The following GFPT1 variants were observed in gnomAD, a reference collection of about 807,000 sequenced individuals.
GFPT1 encodes the protein glutamine--fructose-6-phosphate transaminase 1, also known as glutamine--fructose-6-phosphate aminotransferase [isomerizing] 1.
In GFPT1, 40 loss-of-function variants were observed where a neutral mutation model predicts 92.0. The ratio of observed to expected loss-of-function variants is 0.43; its 90% CI spans 0.34 to 0.57. The LOEUF (loss-of-function observed/expected upper bound fraction) is 0.57, where lower values mean the gene tolerates loss of function less well. Among genes scored for constraint, GFPT1 ranks in the 20% least tolerant of loss-of-function variants. The probability of loss-of-function intolerance (pLI) is 0.02; values close to 1 mark genes in which losing one functional copy is unlikely to be tolerated. For missense variants in GFPT1, 448 were observed against 869.1 expected, an observed-to-expected ratio of 0.52 and a Z score of 6.09; for synonymous variants, 269 against 280.6, an observed-to-expected ratio of 0.96 and a Z score of 0.41.
At chr2:69,362,166 G>C (rs953857159) in intron 4 of GFPT1, among the ~76,000 whole-genome samples, 2 of 152,174 alleles carry the variant, frequency 1.3e-5, no homozygotes, top group African/African-American at 4.8e-5. Flanking sequence ...GTCTCACTCT[G>C]TCACCCAGGC....
At chr2:69,384,494 G>C (rs1255325755) in intron 1 of GFPT1, among the ~76,000 whole-genome samples, 1 of 151,948 alleles carries the variant, frequency 6.6e-6, no homozygotes, top group Admixed American at 6.6e-5. Flanking sequence ...GTGGTAGGTG[G>C]ATTACCTGAG....
chr2:69,374,406 C>T (rs10203225), intron 1 of GFPT1, among the ~76,000 whole-genome samples: 3 of 151,930 alleles, frequency 2.0e-5, no homozygotes, highest in African/African-American at 4.8e-5. Context: ...CTCCGCCTCC[C>T]GGGTTCACAC....
intron 17 of GFPT1, 84 bp downstream of exon 17, chr2:69,329,213 T>A: frequency 7.4e-7 from 1 of 1,342,558 alleles, no homozygotes; most frequent in Non-Finnish European, 1.1e-6. Context: ...TTCTACCTAT[T>A]TCATTCATTT....
At chr2:69,338,631 G>A in intron 13 of GFPT1, 66 bp from the exon 14 acceptor site, 1 of 1,531,056 alleles carries the variant, frequency 6.5e-7, no homozygotes, top group East Asian at 2.3e-5. Flanking sequence ...GACTTCTTTG[G>A]ATTCAATGTA....
At chr2:69,347,067 GCC>G (rs1266479461) in intron 11 of GFPT1, among the ~76,000 whole-genome samples, 4 of 151,934 alleles carry the variant, frequency 2.6e-5, no homozygotes, top group Admixed American at 2.6e-4. Flanking sequence ...ATGCCACCAT[GCC>G]CATAATTTTC....
At chr2:69,362,221 C>T (rs1671492300) in intron 4 of GFPT1, among the ~76,000 whole-genome samples, 1 of 152,090 alleles carries the variant, frequency 6.6e-6, no homozygotes, top group Admixed American at 6.6e-5. Context: ...CCTCAACCCC[C>T]AGGTTCAGGT....
intron 3 of GFPT1, among the ~76,000 whole-genome samples, chr2:69,369,659 G>A (rs1671695255): frequency 6.6e-6 from 1 of 152,186 alleles, no homozygotes; most frequent in Non-Finnish European, 1.5e-5. Context: ...GAAGACATGT[G>A]TAAAAGGGCA....
chr2:69,377,499 A>G (rs1481266304), intron 1 of GFPT1, among the ~76,000 whole-genome samples: 1 of 144,690 alleles, frequency 6.9e-6, no homozygotes, highest in East Asian at 2.0e-4. Flanking sequence ...AAATAAAAAT[A>G]AAAAAAAAAA....
At chr2:69,356,246 G>A (rs961460635) in intron 7 of GFPT1, among the ~76,000 whole-genome samples, 5 of 151,986 alleles carry the variant, frequency 3.3e-5, no homozygotes, top group South Asian at 2.1e-4. Flanking sequence ...CGCCTGCCTC[G>A]ACCTCCCAAA....
intron 15 of GFPT1, among the ~76,000 whole-genome samples, chr2:69,335,453 T>G (rs916228456): frequency 6.6e-6 from 1 of 150,718 alleles, no homozygotes; most frequent in Non-Finnish European, 1.5e-5. Context: ...AAACATTTTA[T>G]GAAAAGATTA....
At position 69,320,120 on chromosome 2, in the gene GFPT1, C is replaced by A. The variant is rs974227327; in HGVS notation, c.*6069G>T. ...GACAGATGCGACACTGGAAAGAGGA[C>A]AACAATGTAACCTAAAAGGGAGCTA... On this transcript the variant is annotated 3_prime_UTR_variant, in exon 20 of 20. Transcript: ENST00000357308. 3 of 152,154 alleles carry A rather than the reference C, an allele frequency of 2.0e-5. No homozygotes were observed. The highest frequency in any genetic ancestry group is 4.4e-5 in the Non-Finnish European group (3 of 68,040). 9.4% of individuals were successfully genotyped at this position (152,154 alleles called of 1,614,324 possible). A position where few individuals can be genotyped will look rare whatever the true frequency, so the allele number is the denominator to read the frequency against.
At chr2:69,350,287 C>T (rs1363367253) in intron 9 of GFPT1, 104 bp from the exon 10 acceptor site, 1 of 804,316 alleles carries the variant, frequency 1.2e-6, no homozygotes, top group African/African-American at 1.7e-5. Flanking sequence ...CATAGCAACA[C>T]AAAACAATTT....
chr2:69,373,757 C>CAA (rs930478313), intron 2 of GFPT1, among the ~76,000 whole-genome samples: 1 of 152,128 alleles, frequency 6.6e-6, no homozygotes, highest in Admixed American at 6.5e-5. Flanking sequence ...TGTTTTACCA[C>CAA]AATAATCCCC....
chr2:69,372,224 T>C (rs866790224), intron 2 of GFPT1, among the ~76,000 whole-genome samples: 1 of 144,276 alleles, frequency 6.9e-6, no homozygotes, highest in Non-Finnish European at 1.5e-5. Context: ...AAAAAGAAGA[T>C]TGATGAGTCA....
chr2:69,336,209 G>T (rs1670793607), intron 15 of GFPT1, among the ~76,000 whole-genome samples: 1 of 151,598 alleles, frequency 6.6e-6, no homozygotes, highest in Non-Finnish European at 1.5e-5. Context: ...CGTGGTGGCA[G>T]GTGCCTGTAA....
intron 3 of GFPT1, among the ~76,000 whole-genome samples, chr2:69,366,798 G>A (rs1671622081): frequency 2.0e-5 from 3 of 151,942 alleles, no homozygotes. Flanking sequence ...TGATCTTCTT[G>A]GGCCGTAGTG....
rs537800656 is a variant in GFPT1 at position 69,328,260 on chromosome 2, C to T, written c.1893+11G>A. The T allele has an allele frequency of 3.7e-6, 6 of 1,609,384 alleles. No homozygotes were observed. The South Asian group carries it at 6.6e-5, about 18-fold the overall frequency. On this transcript the variant is annotated intron_variant, in intron 18 of 19. Coordinates refer to ENST00000357308, the MANE Select transcript of GFPT1 (RefSeq NM_001244710.2). Reference sequence around the variant, plus strand: ...TGATCCCCAAGGTGTTCTCACAGTCCCCCGACTTACCTGCCGAGCAACCAC... The same window carrying T: ...TGATCCCCAAGGTGTTCTCACAGTCTCCCGACTTACCTGCCGAGCAACCAC...
At chr2:69,348,150 T>C (rs754938045) in intron 11 of GFPT1, 21 bp downstream of exon 11, 1 of 1,593,408 alleles carries the variant, frequency 6.3e-7, no homozygotes, top group South Asian at 1.1e-5. Context: ...CAGCAAGCTA[T>C]AACATGACAA....
intron 12 of GFPT1, among the ~76,000 whole-genome samples, chr2:69,345,040 T>C (rs1488367646): frequency 1.3e-5 from 2 of 152,174 alleles, no homozygotes; most frequent in African/African-American, 4.8e-5. Context: ...TAAAAGAATT[T>C]ACTGCTACTC....
Sources: gnomAD v4.1 joint callset for allele counts (sites outside exome capture counted in the v4.1 genomes callset) on GRCh38, gnomAD v4.1.1 for gene constraint, MANE v1.5 for transcripts, NCBI Gene and HGNC (gene_info 2026-07-23, HGNC 2026-07-21) for gene names.